The following PTPRD variants were observed in gnomAD, a reference collection of about 807,000 sequenced individuals.
PTPRD encodes the protein protein tyrosine phosphatase receptor type D, also known as receptor-type tyrosine-protein phosphatase delta.
Under a neutral mutation model 214.5 loss-of-function variants are expected in PTPRD, and 34 were observed. The observed-to-expected ratio is 0.16, with a 90% CI of 0.12 to 0.21. The LOEUF is 0.21. PTPRD is among the 10% of genes least tolerant of loss of function. PTPRD has a pLI of 1.00. For missense variants in PTPRD, 2,545 were observed against 2,398.7 expected (o/e 1.06, Z -1.27); for synonymous variants, 1,128 against 845.7 (o/e 1.33, Z -5.79).
At chr9:8,947,029 C>CTTTT (rs71317390) in intron 11 of PTPRD, among the ~76,000 whole-genome samples, 7 of 120,984 alleles carry the variant, frequency 5.8e-5, no homozygotes, top group East Asian at 2.4e-4. Flanking sequence ...TTTTTCTTTT[C>CTTTT]TTTTTTTTTT....
chr9:8,487,400 T>C (rs1475617458), intron 27 of PTPRD, among the ~76,000 whole-genome samples: 1 of 151,936 alleles, frequency 6.6e-6, no homozygotes, highest in African/African-American at 2.4e-5. Flanking sequence ...CATTGAGGGA[T>C]GATCATCAGA....
intron 3 of PTPRD, among the ~76,000 whole-genome samples, chr9:10,062,592 G>C (rs772958605): frequency 1.3e-5 from 2 of 152,034 alleles, no homozygotes; most frequent in Non-Finnish European, 2.9e-5. Context: ...GGCGAAAAGA[G>C]TGAAACTCAG....
chr9:9,794,176 T>C (rs978645373), intron 5 of PTPRD, among the ~76,000 whole-genome samples: 1 of 148,946 alleles, frequency 6.7e-6, no homozygotes, highest in Non-Finnish European at 1.5e-5. Context: ...TATATATACA[T>C]GTATATATAC....
At chr9:9,456,713 A>G (rs1406266113) in intron 8 of PTPRD, among the ~76,000 whole-genome samples, 2 of 151,898 alleles carry the variant, frequency 1.3e-5, no homozygotes, top group Admixed American at 6.6e-5. Flanking sequence ...TTAAACTGCT[A>G]CATAGTAAAT....
intron 5 of PTPRD, among the ~76,000 whole-genome samples, chr9:9,842,939 C>T (rs531059981): frequency 1.1e-4 from 16 of 152,026 alleles, no homozygotes; most frequent in African/African-American, 2.9e-4. Flanking sequence ...ACTTTCTATA[C>T]GGTTGTATAT....
At chr9:10,521,046 A>T (rs1336056371) in intron 2 of PTPRD, among the ~76,000 whole-genome samples, 1 of 151,988 alleles carries the variant, frequency 6.6e-6, no homozygotes, top group Non-Finnish European at 1.5e-5. Context: ...AATACAGTTC[A>T]TAAGGCTGTA....
intron 26 of PTPRD, 37 bp downstream of exon 26, chr9:8,497,205 T>G: frequency 6.5e-7 from 1 of 1,547,836 alleles, no homozygotes; most frequent in Non-Finnish European, 8.8e-7. Flanking sequence ...CAAGCATATA[T>G]AGTCTGCTTT....
intron 3 of PTPRD, among the ~76,000 whole-genome samples, chr9:10,120,089 T>C (rs1052149137): frequency 2.0e-5 from 3 of 152,020 alleles, no homozygotes; most frequent in Non-Finnish European, 4.4e-5. Flanking sequence ...CTAGTGATGT[T>C]TGTATGCTGC....
intron 5 of PTPRD, among the ~76,000 whole-genome samples, chr9:9,824,959 C>A (rs2153583625): frequency 6.6e-6 from 1 of 152,100 alleles, no homozygotes; most frequent in Admixed American, 6.6e-5. Flanking sequence ...TTTGAATCCT[C>A]ACTGGTACTT....
At chr9:9,935,110 C>A (rs1173798798) in intron 5 of PTPRD, among the ~76,000 whole-genome samples, 11 of 152,006 alleles carry the variant, frequency 7.2e-5, no homozygotes, top group Non-Finnish European at 1.3e-4. Context: ...AAACCCACAG[C>A]CAATATCATA....
At chr9:10,365,043 C>G (rs192461199) in intron 2 of PTPRD, among the ~76,000 whole-genome samples, 36 of 152,098 alleles carry the variant, frequency 2.4e-4, no homozygotes, top group Admixed American at 2.2e-3. Context: ...CTCTTTTTTT[C>G]TTTATTACAT....
chr9:9,995,822 T>G (rs1172246146), intron 4 of PTPRD, among the ~76,000 whole-genome samples: 4 of 152,144 alleles, frequency 2.6e-5, no homozygotes, highest in African/African-American at 9.7e-5. Context: ...TATTTTTAGG[T>G]GGTAAAATGC....
At chr9:9,052,777 G>A (rs529861919) in intron 10 of PTPRD, among the ~76,000 whole-genome samples, 1 of 152,284 alleles carries the variant, frequency 6.6e-6, no homozygotes, top group South Asian at 2.1e-4. Context: ...CAGTTTGTAA[G>A]CTGCATTAGG....
intron 14 of PTPRD, among the ~76,000 whole-genome samples, chr9:8,542,388 C>T (rs2078700925): frequency 1.3e-5 from 2 of 151,974 alleles, no homozygotes; most frequent in Admixed American, 1.3e-4. Flanking sequence ...GATAAACTTA[C>T]ATTAGGAAGA....
chr9:8,836,587 C>CTTTT (rs34572407), intron 11 of PTPRD, among the ~76,000 whole-genome samples: 676 of 66,818 alleles, frequency 0.01, 42 homozygotes, highest in East Asian at 0.023. Context: ...TAATAAAAAC[C>CTTTT]TTTTTTTTTT....
chr9:9,392,878 A>C (rs2066376795), intron 9 of PTPRD, among the ~76,000 whole-genome samples: 1 of 152,112 alleles, frequency 6.6e-6, no homozygotes, highest in Non-Finnish European at 1.5e-5. Context: ...AATTAGAGTC[A>C]GCCACATTGA....
intron 4 of PTPRD, among the ~76,000 whole-genome samples, chr9:9,997,970 C>A (rs1004482192): frequency 3.3e-5 from 5 of 151,902 alleles, no homozygotes; most frequent in African/African-American, 1.2e-4. Flanking sequence ...CCTGGTGATA[C>A]CAATCGCCTG....
intron 11 of PTPRD, among the ~76,000 whole-genome samples, chr9:8,741,058 T>G (rs2091791125): frequency 1.3e-5 from 2 of 152,326 alleles, no homozygotes; most frequent in South Asian, 4.1e-4. Flanking sequence ...TATTGATGCA[T>G]CCCTGTAAGA....
At chr9:8,564,663 G>A (rs768125625) in intron 14 of PTPRD, among the ~76,000 whole-genome samples, 7 of 152,120 alleles carry the variant, frequency 4.6e-5, no homozygotes, top group Non-Finnish European at 1.0e-4. Context: ...TCGTGCCACT[G>A]TACTCCAGCC....
Sources: gnomAD v4.1 joint callset for allele counts (sites outside exome capture counted in the v4.1 genomes callset) on GRCh38, gnomAD v4.1.1 for gene constraint, MANE v1.5 for transcripts, NCBI Gene and HGNC (gene_info 2026-07-23, HGNC 2026-07-21) for gene names.